The following COL4A6 variants were observed in gnomAD, a reference collection of about 807,000 sequenced individuals.
COL4A6 encodes the protein collagen type IV alpha 6 chain.
A neutral mutation model predicts 126.7 loss-of-function variants in COL4A6; 59 were observed. The observed-to-expected ratio is 0.47, with a 90% CI of 0.38 to 0.58. COL4A6 has a LOEUF of 0.58. Among genes scored for constraint, COL4A6 ranks in the 20% least tolerant of loss-of-function variants. The pLI is 0.00. For synonymous variants in COL4A6, 547 were observed against 496.6 expected, an observed-to-expected ratio of 1.10 and a Z score of -1.35; for missense variants, 1,285 against 1,337.3, an observed-to-expected ratio of 0.96 and a Z score of 0.61.
intron 3 of COL4A6, among the ~76,000 whole-genome samples, chrX:108,232,968 G>GA (rs901605569): frequency 9.0e-6 from 1 of 111,728 alleles, no homozygotes; most frequent in African/African-American, 3.2e-5. Context: ...GCTTTCAGTA[G>GA]AAAAAAGATT....
chrX:108,267,652 T>C (rs1455841594), intron 3 of COL4A6: 1 of 84,473 alleles, frequency 1.2e-5, no homozygotes, highest in Non-Finnish European at 2.4e-5. Context: ...TATACATACA[T>C]AAAACATTTT....
chrX:108,216,524 TCA>T (rs2035860635), intron 5 of COL4A6, among the ~76,000 whole-genome samples: 1 of 112,843 alleles, frequency 8.9e-6, no homozygotes, highest in Non-Finnish European at 1.9e-5. Flanking sequence ...TGGTCTTCTC[TCA>T]GTCAAGTCAG....
Position 108,159,725 on chromosome X carries a change from G to A in COL4A6, c.4549C>T (p.Arg1517Cys), listed in dbSNP as rs371879924. Residue 1517 changes from arginine to cysteine, a missense_variant, in exon 44 of 45, where the codon CGC (arginine) becomes TGC (cysteine). By Grantham distance (180) the Arg-to-Cys change is radical. Coordinates refer to ENST00000334504, the MANE Select transcript of COL4A6 (RefSeq NM_033641.4). The stretch of plus-strand genomic sequence containing the variant: ...TAGATGAAGGGCATGGTGCTGAAGC[G>A]GGGCAGACAGGAGCCAGCAAAGCCT... ...DLGFAGSCLP[R>C]FSTMPFIYCN... is the part of the protein sequence containing the mutation. 12 of 1,210,196 alleles carry A rather than the reference G, an allele frequency of 9.9e-6. No individual in the cohort carries two copies. In the African/African-American group the frequency reaches 1.6e-4, roughly 16 times the overall value.
In COL4A6 at chrX:108,161,670, C is replaced by T. The variant is rs760257011; in HGVS notation, c.4282G>A (p.Ala1428Thr). The change falls in exon 42 of 45, where the codon GCT becomes ACT. Residue 1428 changes from alanine (A) to threonine (T), a missense_variant. By Grantham distance (58) the Ala-to-Thr change is moderately conservative. Transcript: ENST00000334504. ...CCAGGCAGACCAGGATCACCAAGAG[C>T]CCCAGGTGGGCCTGGGAGCCCACTG... ...GPSGLPGPPG[A>T]LGDPGLPGLQ... is the part of the protein sequence containing the mutation. 1.2e-4 allele frequency: 138 copies of T among 1,195,554 alleles called. 1 individual carries two copies. In the South Asian group the frequency reaches 2.3e-3, roughly 20 times the overall value.
chrX:108,424,177 G>T (rs1197068088), intron 2 of COL4A6, among the ~76,000 whole-genome samples: 1 of 111,887 alleles, frequency 8.9e-6, no homozygotes, highest in African/African-American at 3.2e-5. Context: ...GCTTACCAAT[G>T]AGTGTGGCAT....
At chrX:108,287,830 C>T (rs1161220160) in intron 3 of COL4A6, among the ~76,000 whole-genome samples, 2 of 112,019 alleles carry the variant, frequency 1.8e-5, no homozygotes, top group African/African-American at 3.2e-5. Flanking sequence ...TGCATCTCCT[C>T]ATCTACTGGG....
chrX:108,313,000 C>T (rs1461793677), intron 2 of COL4A6, among the ~76,000 whole-genome samples: 1 of 112,182 alleles, frequency 8.9e-6, no homozygotes, highest in Non-Finnish European at 1.9e-5. Context: ...AGGAACTCGC[C>T]AGAACAAGGA....
At chrX:108,167,935 A>G (rs1176577131) in intron 37 of COL4A6, among the ~76,000 whole-genome samples, 4 of 110,280 alleles carry the variant, frequency 3.6e-5, no homozygotes, top group African/African-American at 1.3e-4. Context: ...AGAGGCAATC[A>G]CTCCTGAATT....
intron 2 of COL4A6, among the ~76,000 whole-genome samples, chrX:108,368,559 T>G: frequency 9.0e-6 from 1 of 111,140 alleles, no homozygotes. Context: ...CTGTATAAAA[T>G]AATTTTCTTT....
chrX:108,380,143 A>C (rs962487491), intron 2 of COL4A6, among the ~76,000 whole-genome samples: 1 of 112,552 alleles, frequency 8.9e-6, no homozygotes, highest in African/African-American at 3.2e-5. Context: ...TCAATCTACT[A>C]TTTTAAAAAC....
At chrX:108,409,519 G>A (rs1245126985) in intron 2 of COL4A6, among the ~76,000 whole-genome samples, 1 of 111,250 alleles carries the variant, frequency 9.0e-6, no homozygotes, top group East Asian at 2.8e-4. Flanking sequence ...ATTCAGGCTT[G>A]GATAAGTTCG....
chrX:108,271,931 C>A (rs2037462550), intron 3 of COL4A6, among the ~76,000 whole-genome samples: 1 of 112,160 alleles, frequency 8.9e-6, no homozygotes, highest in Non-Finnish European at 1.9e-5. Context: ...TATCCAGCTG[C>A]CTTCGGGTAT....
intron 2 of COL4A6, among the ~76,000 whole-genome samples, chrX:108,334,111 T>C (rs150794250): frequency 8.9e-6 from 1 of 112,023 alleles, no homozygotes; most frequent in East Asian, 2.8e-4. Flanking sequence ...GCAAAAGGTA[T>C]AAAGTTGGAG....
intron 5 of COL4A6, 106 bp from the exon 6 acceptor site, chrX:108,214,334 T>C: frequency 3.7e-6 from 2 of 535,962 alleles, no homozygotes; most frequent in South Asian, 3.0e-5. Flanking sequence ...TGTGGCTCCT[T>C]GTTCACTCCC....
chrX:108,352,132 G>T (rs998434364), intron 2 of COL4A6, among the ~76,000 whole-genome samples: 1 of 112,570 alleles, frequency 8.9e-6, no homozygotes, highest in Admixed American at 9.4e-5. Flanking sequence ...GTATTTCTGC[G>T]GCTGTTGTGA....
intron 2 of COL4A6, among the ~76,000 whole-genome samples, chrX:108,422,975 C>T (rs764358394): frequency 6.3e-4 from 71 of 112,105 alleles, no homozygotes; most frequent in African/African-American, 2.2e-3. Flanking sequence ...CTCCCTGACA[C>T]AGAATATACT....
chrX:108,157,977 C>T (rs956084246), intron 44 of COL4A6, among the ~76,000 whole-genome samples: 1 of 112,197 alleles, frequency 8.9e-6, no homozygotes. Flanking sequence ...AGCAAATGGC[C>T]AATGAGACAA....
At position 108,205,660 on chromosome X, in the gene COL4A6, A is replaced by T; in HGVS notation, c.645T>A (p.Asp215Glu). The T allele has an allele frequency of 8.3e-7, 1 of 1,208,488 alleles. No individual in the cohort carries two copies. Among genetic ancestry groups the T allele is most frequent in the Non-Finnish European group, 1.1e-6 (1 of 893,507 alleles). Residue 215 changes from aspartate to glutamate, a missense_variant and splice_region_variant, in exon 10 of 45, where the codon GAT becomes GAA. Asp to Glu is a conservative substitution (Grantham distance 45, BLOSUM62 2). Coordinates refer to ENST00000334504, the MANE Select transcript of COL4A6 (RefSeq NM_033641.4). ...ATGCCCTAAGACAAAGTATACTTAC[A>T]TCAGGACCAAGAGGACCAGGAGGCC... ...PPGPPGPLGPDGNMGLGFQGE... is the reference protein window; with the variant it reads ...PPGPPGPLGPEGNMGLGFQGE...
At chrX:108,211,859 T>C in intron 6 of COL4A6, 119 bp from the exon 7 acceptor site, 2 of 661,721 alleles carry the variant, frequency 3.0e-6, no homozygotes, top group Non-Finnish European at 4.7e-6. Flanking sequence ...GCTTTTTCTA[T>C]GGCAAAATTG....
Sources: allele counts gnomAD v4.1 joint callset (sites outside exome capture counted in the v4.1 genomes callset), GRCh38; gene constraint gnomAD v4.1.1; transcripts MANE v1.5; gene names NCBI Gene and HGNC (gene_info 2026-07-23, HGNC 2026-07-21).